The following TDRP variants were observed in gnomAD, a reference collection of about 807,000 sequenced individuals.
TDRP encodes testis development related protein, also known as testis development-related protein.
Under a neutral mutation model 10.5 loss-of-function variants are expected in TDRP, and 12 were observed. That is an observed-to-expected ratio of 1.15 (90% CI 0.73 to 1.86). The LOEUF is 1.86. Among genes scored for constraint, TDRP ranks in the 40% most tolerant of loss-of-function variants. TDRP has a pLI of 0.00. For missense variants in TDRP, 353 were observed against 229.2 expected, an observed-to-expected ratio of 1.54 and a Z score of -3.49; for synonymous variants, 139 against 95.4, an observed-to-expected ratio of 1.46 and a Z score of -2.67.
intron 1 of TDRP, among the ~76,000 whole-genome samples, chr8:530,344 G>C (rs530344447): frequency 6.6e-6 from 1 of 152,138 alleles, no homozygotes; most frequent in Admixed American, 6.5e-5. Flanking sequence ...ATTTATCTCT[G>C]TTTCTCTAGG....
intron 1 of TDRP, among the ~76,000 whole-genome samples, chr8:510,237 C>T (rs925348245): frequency 6.6e-6 from 1 of 152,136 alleles, no homozygotes; most frequent in Non-Finnish European, 1.5e-5. Context: ...TCTCTTATCC[C>T]CAGAAGTCTG....
rs561470801 is a variant in TDRP, at chr8:500,506, G to A, written c.109-5909C>T. ...ATCTTCACCTCCTGTAATCAGAAAAGAGATCCTCATCTAACCAAGTGACAC... is the reference window on the plus strand; with the variant it reads ...ATCTTCACCTCCTGTAATCAGAAAAAAGATCCTCATCTAACCAAGTGACAC... On this transcript the variant is annotated intron_variant, in intron 1 of 2. Transcript: ENST00000324079. Among the ~76,000 whole-genome samples the A allele has an allele frequency of 2.0e-5, 3 of 152,258 alleles. No homozygotes were observed. In the East Asian group the frequency reaches 5.8e-4, roughly 29 times the overall value.
intron 1 of TDRP, among the ~76,000 whole-genome samples, chr8:509,695 A>G (rs1047192472): frequency 2.6e-5 from 4 of 152,116 alleles, no homozygotes; most frequent in African/African-American, 9.7e-5. Context: ...CCCTGGAGAC[A>G]ATTTCCCTAT....
intron 1 of TDRP, among the ~76,000 whole-genome samples, chr8:516,150 G>A (rs74503543): frequency 0.072 from 10,970 of 152,164 alleles, 429 homozygotes; most frequent in South Asian, 0.13. Flanking sequence ...CCGGTAGAGC[G>A]GTTCCTAAAT....
At chr8:534,990 T>C (rs768943567) in intron 1 of TDRP, among the ~76,000 whole-genome samples, 1 of 152,134 alleles carries the variant, frequency 6.6e-6, no homozygotes, top group Non-Finnish European at 1.5e-5. Flanking sequence ...GTAAAAAGCA[T>C]TCCATTCTCT....
chr8:541,569 A>G lies in TDRP; in HGVS notation c.108+3081T>C, dbSNP rs192968708. 2.8e-3 allele frequency among the ~76,000 whole-genome samples: 429 copies of G among 152,360 alleles called. 13 individuals carry two copies. The highest frequency in any genetic ancestry group is 1.2e-3 in the East Asian group (6 of 5,186). ...TCTTAAAACTCAACAATGAGAAATC[A>G]AACCACCTAATTAAAAAATGCGGAG... On this transcript the variant is annotated intron_variant, in intron 1 of 2. Transcript: ENST00000324079.
chr8:535,350 C>T (rs1802317447), intron 1 of TDRP, among the ~76,000 whole-genome samples: 1 of 152,120 alleles, frequency 6.6e-6, no homozygotes, highest in South Asian at 2.1e-4. Flanking sequence ...CCCCACAGAA[C>T]TCCCAAAGCA....
intron 1 of TDRP, among the ~76,000 whole-genome samples, chr8:522,246 C>T (rs1056668089): frequency 2.0e-5 from 3 of 152,102 alleles, no homozygotes; most frequent in East Asian, 3.9e-4. Context: ...CAGATATAAC[C>T]GTTATATCTT....
intron 1 of TDRP, among the ~76,000 whole-genome samples, chr8:500,469 C>G (rs901550182): frequency 1.3e-5 from 2 of 152,160 alleles, no homozygotes; most frequent in Admixed American, 1.3e-4. Context: ...TTTAGAAGAA[C>G]TGAACCTGCC....
At chr8:531,950 G>C (rs980933023) in intron 1 of TDRP, among the ~76,000 whole-genome samples, 2 of 152,190 alleles carry the variant, frequency 1.3e-5, no homozygotes, top group Non-Finnish European at 2.9e-5. Context: ...GCCCTGCGGT[G>C]GTTGCGTAAT....
chr8:509,407 T>C (rs952874691), intron 1 of TDRP, among the ~76,000 whole-genome samples: 1 of 152,196 alleles, frequency 6.6e-6, no homozygotes, highest in Non-Finnish European at 1.5e-5. Flanking sequence ...CTCTGAAATC[T>C]AGCCAGAGGT....
At chr8:496,104 A>C (rs1004681504) in intron 1 of TDRP, among the ~76,000 whole-genome samples, 3 of 152,168 alleles carry the variant, frequency 2.0e-5, no homozygotes, top group African/African-American at 7.2e-5. Flanking sequence ...AGCTTTCCAC[A>C]TCACACACTG....
intron 1 of TDRP, among the ~76,000 whole-genome samples, chr8:532,321 A>AC (rs1357931287): frequency 1.1e-4 from 16 of 152,188 alleles, no homozygotes; most frequent in Non-Finnish European, 2.2e-4. Flanking sequence ...ACCCACTGAA[A>AC]CCTGCTACTG....
chr8:527,345 G>A (rs749844208), intron 1 of TDRP, among the ~76,000 whole-genome samples: 42 of 151,938 alleles, frequency 2.8e-4, no homozygotes, highest in Non-Finnish European at 5.3e-4. Flanking sequence ...ATTGCCCAAA[G>A]CAATCTACAG....
intron 1 of TDRP, among the ~76,000 whole-genome samples, chr8:533,198 G>A (rs921676052): frequency 2.0e-5 from 3 of 152,162 alleles, no homozygotes; most frequent in Non-Finnish European, 4.4e-5. Context: ...ATTTTTGACA[G>A]TGTCACAAGC....
At chr8:510,311 G>C (rs887640063) in intron 1 of TDRP, among the ~76,000 whole-genome samples, 1 of 152,044 alleles carries the variant, frequency 6.6e-6, no homozygotes, top group Admixed American at 6.6e-5. Flanking sequence ...CCCCCATCCC[G>C]AGGCTATCTA....
At chr8:520,102 TG>T (rs1204931883) in intron 1 of TDRP, among the ~76,000 whole-genome samples, 1 of 152,180 alleles carries the variant, frequency 6.6e-6, no homozygotes, top group Non-Finnish European at 1.5e-5. Context: ...ATCCTGTGGT[TG>T]GGGAGAAAAG....
intron 1 of TDRP, among the ~76,000 whole-genome samples, chr8:526,151 C>T (rs11784914): frequency 2.0e-5 from 3 of 152,004 alleles, no homozygotes; most frequent in Admixed American, 2.0e-4. Flanking sequence ...TTTGTTGTAG[C>T]CATGCCCAGC....
chr8:534,356 C>G (rs1276488409), intron 1 of TDRP, among the ~76,000 whole-genome samples: 1 of 152,246 alleles, frequency 6.6e-6, no homozygotes, highest in African/African-American at 2.4e-5. Context: ...CCGCGAGCCT[C>G]TGAATAACAA....
Sources: gnomAD v4.1 joint callset for allele counts (sites outside exome capture counted in the v4.1 genomes callset) on GRCh38, gnomAD v4.1.1 for gene constraint, MANE v1.5 for transcripts, NCBI Gene and HGNC (gene_info 2026-07-23, HGNC 2026-07-21) for gene names.